Variants in GABBR2 observed in about 807,000 individuals in gnomAD.
The protein encoded by GABBR2 is gamma-aminobutyric acid type B receptor subunit 2, also known as G-protein coupled receptor 51.
A neutral mutation model predicts 105.6 loss-of-function variants in GABBR2; 23 were observed. That is an observed-to-expected ratio of 0.22 (90% CI 0.16 to 0.31). The LOEUF (loss-of-function observed/expected upper bound fraction) is 0.31. GABBR2 is among the 10% of genes least tolerant of loss of function. The probability of loss-of-function intolerance (pLI) is 1.00; values close to 1 mark genes in which losing one functional copy is unlikely to be tolerated. For missense variants in GABBR2, 734 were observed against 1,245.5 expected (o/e 0.59, Z 6.18); for synonymous variants, 478 against 499.7 (o/e 0.96, Z 0.58).
chr9:98,414,446 T>TGGACAGGTGCAAGGC (rs1445053702), intron 7 of GABBR2, among the ~76,000 whole-genome samples: 2 of 152,100 alleles, frequency 1.3e-5, no homozygotes, highest in Non-Finnish European at 2.9e-5. Context: ...ACCGGCAAGG[T>TGGACAGGTGCAAGGC]GGACAGGTGC....
chr9:98,387,500 C>T (rs1379623843), intron 10 of GABBR2, among the ~76,000 whole-genome samples: 1 of 152,026 alleles, frequency 6.6e-6, no homozygotes, highest in Non-Finnish European at 1.5e-5. Flanking sequence ...ACAAAAGTTG[C>T]CTCACTTTTT....
intron 11 of GABBR2, among the ~76,000 whole-genome samples, chr9:98,383,335 C>T (rs1832012943): frequency 6.7e-6 from 1 of 148,232 alleles, no homozygotes; most frequent in Non-Finnish European, 1.5e-5. Context: ...ACTGCAGGCA[C>T]AGTGAAGCCA....
chr9:98,306,022 A>AAG lies in GABBR2; in HGVS notation c.2229+97_2229+98dup, dbSNP rs1451073794. On this transcript the variant is annotated intron_variant, in intron 15 of 18. Transcript: ENST00000259455. The surrounding 1 kb of genome is among the most constrained non-coding windows in gnomAD (Gnocchi z 5.4). ...GAATTGTCTTCATCATAAAAAAAAA[A>AAG]AGGAATGGGTAAACCTTTTAGAGAA... is the stretch of plus-strand genomic sequence containing the variant. 2 of 762,856 alleles carry AAG rather than the reference A, an allele frequency of 2.6e-6. No individual in the cohort carries two copies. Among genetic ancestry groups the AAG allele is most frequent in the African/African-American group, 3.5e-5 (2 of 56,376 alleles). 47.3% of individuals were successfully genotyped at this position (762,856 alleles called of 1,614,324 possible).
chr9:98,504,910 CCATT>C (rs1827473983), intron 3 of GABBR2, among the ~76,000 whole-genome samples: 1 of 152,156 alleles, frequency 6.6e-6, no homozygotes, highest in South Asian at 2.1e-4. Context: ...CCAGGAACTG[CCATT>C]AATTTAAGCT....
Position 98,467,167 on chromosome 9 carries a change from G to A in GABBR2, c.999+5979C>T, listed in dbSNP as rs538031418. Among the ~76,000 whole-genome samples the A allele has an allele frequency of 9.8e-5, 15 of 152,310 alleles. No homozygotes were observed. The East Asian group carries it at 1.5e-3, about 16-fold the overall frequency. ...AGTGTATAATACATTTTCCAGTGAG[G>A]TGGCAACATACCCGGTTAAAAACCA... On this transcript the variant is annotated intron_variant, in intron 6 of 18. Coordinates refer to ENST00000259455, the MANE Select transcript of GABBR2 (RefSeq NM_005458.8).
At chr9:98,535,264 A>T (rs1049917092) in intron 3 of GABBR2, among the ~76,000 whole-genome samples, 5 of 151,502 alleles carry the variant, frequency 3.3e-5, no homozygotes, top group African/African-American at 9.7e-5. Context: ...TGCCCAGTTA[A>T]TTTTTTTTGT....
chr9:98,299,826 G>T (rs955290553), intron 16 of GABBR2, among the ~76,000 whole-genome samples: 1 of 152,088 alleles, frequency 6.6e-6, no homozygotes, highest in Non-Finnish European at 1.5e-5. Flanking sequence ...GGAAAGTTTA[G>T]CCCAGTGTCT....
intron 7 of GABBR2, among the ~76,000 whole-genome samples, chr9:98,442,002 T>G (rs1347401114): frequency 6.6e-6 from 1 of 152,264 alleles, no homozygotes; most frequent in African/African-American, 2.4e-5. Context: ...GAGACTGATT[T>G]CTCTTTGGTG....
chr9:98,497,738 T>A (rs1827312743), intron 3 of GABBR2, among the ~76,000 whole-genome samples: 1 of 152,232 alleles, frequency 6.6e-6, no homozygotes, highest in South Asian at 2.1e-4. Context: ...CCACAAGTGT[T>A]GGTGAAGATG....
intron 2 of GABBR2, among the ~76,000 whole-genome samples, chr9:98,571,576 C>T (rs1828830768): frequency 1.3e-5 from 2 of 152,270 alleles, no homozygotes; most frequent in South Asian, 4.2e-4. Context: ...TCTGATAAAT[C>T]CCCTAACCTA....
Position 98,367,298 on chromosome 9 carries a change from TA to T in GABBR2, c.1770+4165del, listed in dbSNP as rs368200743. Among the ~76,000 whole-genome samples, 853 of 110,124 alleles carry T rather than the reference TA, an allele frequency of 7.7e-3. 5 individuals carry two copies. The highest frequency in any genetic ancestry group is 9.9e-3 in the Admixed American group (100 of 10,132). 72.2% of individuals were successfully genotyped at this position (110,124 alleles called of 152,430 possible). A position where few individuals can be genotyped will look rare whatever the true frequency, so the allele number is the denominator to read the frequency against. The stretch of plus-strand genomic sequence containing the variant: ...TATATAAATCTAGTATATATGTCAG[TA>T]AAAAAAAAAAAAAAAATAAGGGGGC... On this transcript the variant is annotated intron_variant, in intron 12 of 18. Coordinates refer to ENST00000259455, the MANE Select transcript of GABBR2 (RefSeq NM_005458.8).
chr9:98,460,752 A>G (rs1465894390), intron 6 of GABBR2, among the ~76,000 whole-genome samples: 3 of 152,210 alleles, frequency 2.0e-5, no homozygotes, highest in Non-Finnish European at 4.4e-5. Context: ...ATACTATTCT[A>G]TTTCTCCAAC....
chr9:98,697,038 G>C (rs1158225943), intron 1 of GABBR2, among the ~76,000 whole-genome samples: 1 of 152,086 alleles, frequency 6.6e-6, no homozygotes, highest in African/African-American at 2.4e-5. Context: ...TTTTATGGGA[G>C]GAAAATAACT....
intron 5 of GABBR2, among the ~76,000 whole-genome samples, chr9:98,474,030 A>G (rs944173408): frequency 3.9e-5 from 6 of 152,242 alleles, no homozygotes; most frequent in African/African-American, 1.4e-4. Flanking sequence ...TCTTTATCCA[A>G]AACACAGAGT....
chr9:98,491,880 C>T (rs951524082), intron 4 of GABBR2, among the ~76,000 whole-genome samples: 1 of 152,158 alleles, frequency 6.6e-6, no homozygotes, highest in African/African-American at 2.4e-5. Context: ...GATCCCTGCT[C>T]AGCCGTTTCT....
intron 1 of GABBR2, among the ~76,000 whole-genome samples, chr9:98,603,620 C>T (rs1280988526): frequency 6.6e-6 from 1 of 152,176 alleles, no homozygotes; most frequent in Non-Finnish European, 1.5e-5. Context: ...GGGCCTGGCA[C>T]ACAAGTCAGG....
chr9:98,427,260 C>A (rs1229458365), intron 7 of GABBR2, among the ~76,000 whole-genome samples: 4 of 152,184 alleles, frequency 2.6e-5, no homozygotes, highest in Admixed American at 2.6e-4. Context: ...CTTGGGTTCT[C>A]TCCTTTCCCC....
At chr9:98,435,987 T>C (rs12001905) in intron 7 of GABBR2, among the ~76,000 whole-genome samples, 39,715 of 151,708 alleles carry the variant, frequency 0.26, 5,762 homozygotes, top group East Asian at 0.51. Context: ...TCAGTTTTCA[T>C]CTGTTTCCTC....
chr9:98,355,392 T>C (rs770605156), intron 13 of GABBR2, among the ~76,000 whole-genome samples: 8 of 151,432 alleles, frequency 5.3e-5, no homozygotes, highest in Non-Finnish European at 1.2e-4. Context: ...AAATGTAAAA[T>C]CTGCAAAGTG....
Sources: allele counts gnomAD v4.1 joint callset (sites outside exome capture counted in the v4.1 genomes callset), GRCh38; gene constraint gnomAD v4.1.1; non-coding constraint Gnocchi (gnomAD v3.1); transcripts MANE v1.5; gene names NCBI Gene and HGNC (gene_info 2026-07-23, HGNC 2026-07-21).